TACC2: variants seen among roughly 807,000 people sequenced by gnomAD.
TACC2 encodes the protein transforming acidic coiled-coil-containing protein 2.
A neutral mutation model predicts 227.3 loss-of-function variants in TACC2; 137 were observed. The observed-to-expected ratio is 0.60, with a 90% CI of 0.52 to 0.69. The LOEUF (loss-of-function observed/expected upper bound fraction) is 0.69. Ranked by LOEUF, TACC2 falls within the 30% of genes least tolerant of loss-of-function variation. The probability of loss-of-function intolerance (pLI) is 0.00; values close to 1 mark genes in which losing one functional copy is unlikely to be tolerated. For synonymous variants in TACC2, 1,523 were observed against 1,487.5 expected, an observed-to-expected ratio of 1.02 and a Z score of -0.55; for missense variants, 3,470 against 3,694.4, an observed-to-expected ratio of 0.94 and a Z score of 1.57.
chr10:122,215,486 C>G (rs759999175), intron 10 of TACC2, 35 bp downstream of exon 10: 11 of 1,583,670 alleles, frequency 6.9e-6, no homozygotes, highest in East Asian at 2.2e-5. Context: ...GGTTTTATGC[C>G]CCCCCCGGGG....
At chr10:122,143,459 A>G in intron 6 of TACC2, 113 bp from the exon 7 acceptor site, 1 of 1,195,746 alleles carries the variant, frequency 8.4e-7, no homozygotes, top group East Asian at 2.5e-5. Context: ...CTGGGGTTTA[A>G]AGAGTCCATT....
rs1164719489 is a variant in TACC2 at position 122,087,660 on chromosome 10, G to A, written c.5160G>A (p.Ala1720=). The A allele has an allele frequency of 1.2e-5, 19 of 1,613,298 alleles. No individual in the cohort carries two copies. The highest frequency in any genetic ancestry group is 3.3e-5 in the Admixed American group (2 of 60,006). Reference sequence around the variant, plus strand: ...GCACAGCTGAGACACAGGCATGTGCGTCCGGTGATCTGCCTGAAGCAGGTA... The same window carrying A: ...GCACAGCTGAGACACAGGCATGTGCATCCGGTGATCTGCCTGAAGCAGGTA... The part of the protein sequence containing the change: ...TLSTAETQAC[A]SGDLPEAGTT... The change falls in exon 4 of 23, where the codon GCG becomes GCA. Residue 1720 remains alanine, a synonymous_variant. Transcript: ENST00000369005.
At chr10:122,203,287 G>A (rs1470654611) in intron 8 of TACC2, among the ~76,000 whole-genome samples, 1 of 135,060 alleles carries the variant, frequency 7.4e-6, no homozygotes, top group Non-Finnish European at 1.5e-5. Context: ...CCGGGCAGAG[G>A]GGCTCCTCAC....
intron 3 of TACC2, among the ~76,000 whole-genome samples, chr10:122,057,477 C>A (rs567816333): frequency 2.6e-5 from 4 of 152,112 alleles, no homozygotes; most frequent in African/African-American, 9.6e-5. Context: ...AACAGACTCC[C>A]TCTTGGCCAA....
chr10:122,190,559 CT>C (rs1236186558), intron 7 of TACC2, among the ~76,000 whole-genome samples: 1 of 152,172 alleles, frequency 6.6e-6, no homozygotes. Context: ...ACACACCGCA[CT>C]GTGTGCTATT....
intron 1 of TACC2, among the ~76,000 whole-genome samples, chr10:122,011,926 T>C (rs947126319): frequency 5.9e-5 from 9 of 152,068 alleles, no homozygotes; most frequent in African/African-American, 2.2e-4. Flanking sequence ...TCCAGTTTTT[T>C]GTTTTTGTTT....
rs774694320 is a variant in TACC2, at chr10:122,084,382, CCCAGCTCACACT to C, written c.1884_1895del (p.Ser629_Ser632del). The stretch of plus-strand genomic sequence containing the variant: ...CAGTGATGCAGAGAGCAGAGACCAT[CCCAGCTCACACT>C]CAGCACAGCCACCCAGAAAGGGGGG... On this transcript the variant is annotated inframe_deletion, in exon 4 of 23. Coordinates refer to ENST00000369005, the MANE Select transcript of TACC2 (RefSeq NM_206862.4). The C allele has an allele frequency of 6.2e-7, 1 of 1,613,264 alleles. No homozygotes were observed. The highest frequency in any genetic ancestry group is 8.5e-7 in the Non-Finnish European group (1 of 1,180,038).
At chr10:122,182,762 A>G (rs1296352431) in intron 7 of TACC2, among the ~76,000 whole-genome samples, 1 of 152,162 alleles carries the variant, frequency 6.6e-6, no homozygotes, top group Non-Finnish European at 1.5e-5. Flanking sequence ...TTTTGACTAG[A>G]TAGGGAGAAG....
rs77865330 is a variant in TACC2 at position 122,125,761 on chromosome 10, T to G, written c.5574-6848T>G. 1.3e-3 allele frequency among the ~76,000 whole-genome samples: 189 copies of G among 146,688 alleles called. 2 individuals carry two copies. In the East Asian group the frequency reaches 0.035, roughly 27 times the overall value. On this transcript the variant is annotated intron_variant, in intron 5 of 22. Coordinates refer to ENST00000369005, the MANE Select transcript of TACC2 (RefSeq NM_206862.4). ...ATTTGGTGGGAAGATACTCAAAGGC[T>G]ACACAATATCCTTCCTTTTTTTTTT...
intron 1 of TACC2, among the ~76,000 whole-genome samples, chr10:121,990,765 A>G (rs1361808418): frequency 6.6e-6 from 1 of 152,002 alleles, no homozygotes; most frequent in Non-Finnish European, 1.5e-5. Flanking sequence ...TTGTCTGGAC[A>G]TACCTGTTTT....
chr10:122,017,852 A>T (rs373314694), intron 1 of TACC2, among the ~76,000 whole-genome samples: 26 of 151,314 alleles, frequency 1.7e-4, no homozygotes, highest in African/African-American at 6.3e-4. Context: ...AAAGAAAAGA[A>T]AAAGAAAAAG....
intron 3 of TACC2, among the ~76,000 whole-genome samples, chr10:122,078,190 A>G: frequency 8.8e-6 from 1 of 113,722 alleles, no homozygotes. Context: ...GCGAGACTCC[A>G]TCTCCAAAAA....
At chr10:122,056,754 A>C (rs1186747433) in intron 3 of TACC2, among the ~76,000 whole-genome samples, 1 of 152,212 alleles carries the variant, frequency 6.6e-6, no homozygotes, top group Non-Finnish European at 1.5e-5. Context: ...AAGTGAGTGC[A>C]GACCCAGGTG....
intron 7 of TACC2, among the ~76,000 whole-genome samples, chr10:122,147,167 CAG>C (rs2139354847): frequency 6.6e-6 from 1 of 151,396 alleles, no homozygotes; most frequent in South Asian, 2.1e-4. Context: ...TTTTTTGAGA[CAG>C]AGTCTCACTC....
intron 16 of TACC2, among the ~76,000 whole-genome samples, chr10:122,230,726 A>G (rs2095723622): frequency 6.6e-6 from 1 of 152,262 alleles, no homozygotes; most frequent in Non-Finnish European, 1.5e-5. Context: ...CTAGCCTAAG[A>G]TGGCAAAGTT....
intron 7 of TACC2, among the ~76,000 whole-genome samples, chr10:122,144,888 T>G (rs146679490): frequency 0.015 from 2,323 of 152,284 alleles, 23 homozygotes; most frequent in Non-Finnish European, 0.022. Context: ...GTTCCACCCC[T>G]CTTGGATCCA....
At chr10:122,132,794 T>G in intron 6 of TACC2, 60 bp downstream of exon 6, 3 of 1,582,904 alleles carry the variant, frequency 1.9e-6, no homozygotes, top group Middle Eastern at 3.6e-4. Flanking sequence ...TGAGGCTGCC[T>G]TCCCCCGCTC....
chr10:122,250,014 G>A (rs2096220655), intron 22 of TACC2, among the ~76,000 whole-genome samples: 1 of 152,152 alleles, frequency 6.6e-6, no homozygotes, highest in South Asian at 2.1e-4. Context: ...AGTGGATGGG[G>A]TGCCCACCAG....
At chr10:122,237,803 T>C (rs1015920372) in intron 17 of TACC2, among the ~76,000 whole-genome samples, 158 bp from the exon 18 acceptor site, 5 of 152,250 alleles carry the variant, frequency 3.3e-5, no homozygotes, top group African/African-American at 1.2e-4. Context: ...CTGCTTTCTT[T>C]TTTATGCTCG....
Sources: gnomAD v4.1 joint callset for allele counts (sites outside exome capture counted in the v4.1 genomes callset) on GRCh38, gnomAD v4.1.1 for gene constraint, MANE v1.5 for transcripts, NCBI Gene and HGNC (gene_info 2026-07-23, HGNC 2026-07-21) for gene names.